Variants in YME1L1 observed in about 807,000 individuals in gnomAD.
YME1L1 encodes the protein YME1 like 1 ATPase, also known as ATP-dependent zinc metalloprotease YME1L1.
A neutral mutation model predicts 90.4 loss-of-function variants in YME1L1; 39 were observed. The observed-to-expected ratio is 0.43, with a 90% CI of 0.33 to 0.56. The LOEUF (loss-of-function observed/expected upper bound fraction) is 0.56. Ranked by LOEUF, YME1L1 falls within the 20% of genes least tolerant of loss-of-function variation. YME1L1 has a pLI of 0.03. For missense variants in YME1L1, 617 were observed against 868.4 expected, an observed-to-expected ratio of 0.71 and a Z score of 3.64; for synonymous variants, 284 against 287.3, an observed-to-expected ratio of 0.99 and a Z score of 0.12.
At chr10:27,130,233 T>C (rs746189797) in intron 8 of YME1L1, among the ~76,000 whole-genome samples, 70 of 152,300 alleles carry the variant, frequency 4.6e-4, no homozygotes, top group Non-Finnish European at 7.6e-4. Context: ...CAGGATACCA[T>C]TGTCACCTAA....
In YME1L1 at chr10:27,111,878, C is replaced by T; in HGVS notation, c.*99G>A. On this transcript the variant is annotated 3_prime_UTR_variant, in exon 19 of 19. Coordinates refer to ENST00000376016, the MANE Select transcript of YME1L1 (RefSeq NM_014263.4). ...AGCATTTCACACCCTTCAATTACAC[C>T]ACATCAAGAATGAGGGGAAAGCGTT... is the stretch of plus-strand genomic sequence containing the variant. The T allele has an allele frequency of 6.9e-7, 1 of 1,439,718 alleles. No homozygotes were observed. The highest frequency in any genetic ancestry group is 1.1e-5 in the South Asian group (1 of 87,002). 89.2% of individuals were successfully genotyped at this position (1,439,718 alleles called of 1,614,324 possible).
At chr10:27,153,804 C>T (rs1243880072) in intron 1 of YME1L1, among the ~76,000 whole-genome samples, 1 of 152,036 alleles carries the variant, frequency 6.6e-6, no homozygotes, top group Non-Finnish European at 1.5e-5. Context: ...ACTGGAAAGT[C>T]GGAAAAAAGG....
intron 15 of YME1L1, 87 bp from the exon 16 acceptor site, chr10:27,116,432 C>T (rs1298409308): frequency 6.4e-6 from 9 of 1,413,114 alleles, no homozygotes; most frequent in East Asian, 5.2e-5. Flanking sequence ...CTTTGGCAGG[C>T]GAGGTGGGTG....
chr10:27,131,824 T>C lies in YME1L1; in HGVS notation c.858+35A>G. ...CTCATATAGAGTATCAATTAGAGGA[T>C]GTATGAAGAAGGCAAGGCAATCTTC... On this transcript the variant is annotated intron_variant, in intron 8 of 18. Transcript: ENST00000376016. 4 of 1,494,788 alleles carry C rather than the reference T, an allele frequency of 2.7e-6. No individual in the cohort carries two copies. In the East Asian group the frequency reaches 6.8e-5, roughly 25 times the overall value. 92.6% of individuals were successfully genotyped at this position (1,494,788 alleles called of 1,614,324 possible).
At chr10:27,136,603 T>G (rs566680615) in intron 4 of YME1L1, among the ~76,000 whole-genome samples, 113 of 152,218 alleles carry the variant, frequency 7.4e-4, no homozygotes, top group Middle Eastern at 6.8e-3. Context: ...GCAGTCCTCT[T>G]GCCTCAGCCT....
At chr10:27,124,094 T>C (rs1429423767) in intron 9 of YME1L1, among the ~76,000 whole-genome samples, 1 of 152,218 alleles carries the variant, frequency 6.6e-6, no homozygotes, top group Non-Finnish European at 1.5e-5. Flanking sequence ...TAGAGACATC[T>C]GGTGAAAACA....
At chr10:27,116,920 A>G (rs564365159) in intron 15 of YME1L1, among the ~76,000 whole-genome samples, 15 of 152,250 alleles carry the variant, frequency 9.9e-5, no homozygotes, top group Non-Finnish European at 1.9e-4. Context: ...TAGTTACATT[A>G]AAAACCAGAA....
chr10:27,127,055 G>A (rs1362843083), intron 8 of YME1L1, among the ~76,000 whole-genome samples: 1 of 152,144 alleles, frequency 6.6e-6, no homozygotes, highest in Non-Finnish European at 1.5e-5. Context: ...CAAAAGTCAA[G>A]TACATTGGAC....
intron 9 of YME1L1, among the ~76,000 whole-genome samples, chr10:27,125,044 C>T (rs532915262): frequency 6.6e-6 from 1 of 152,144 alleles, no homozygotes; most frequent in Non-Finnish European, 1.5e-5. Context: ...TAATTTCATA[C>T]ACTGCTGTAT....
At chr10:27,131,427 A>G (rs2056976913) in intron 8 of YME1L1, among the ~76,000 whole-genome samples, 1 of 152,250 alleles carries the variant, frequency 6.6e-6, no homozygotes, top group Admixed American at 6.5e-5. Context: ...CATTCAAGAA[A>G]TATACATTGT....
rs1321877274 is a variant in YME1L1 at position 27,145,541 on chromosome 10, T to C, written c.218A>G (p.Gln73Arg). 1.2e-6 allele frequency: 2 copies of C among 1,613,540 alleles called. No homozygotes were observed. The highest frequency in any genetic ancestry group is 1.7e-5 in the Admixed American group (1 of 59,988). ...TAGATTTTCTACCAGCTGATCAATCTGTCCAATTTTTAGTTCAGATAATCC... is the reference window on the plus strand; with the variant it reads ...TAGATTTTCTACCAGCTGATCAATCCGTCCAATTTTTAGTTCAGATAATCC... ...DLGLSELKIG[Q>R]IDQLVENLLP... The change falls in exon 3 of 19, where the codon CAG becomes CGG. Residue 73 changes from glutamine to arginine, a missense_variant. Physicochemically the swap from Gln to Arg is conservative, Grantham distance 43 (BLOSUM62 1). This residue lies in a region of YME1L1 where 311 missense variants were observed against 335.8 expected (regional missense o/e 0.93). Transcript: ENST00000376016.
chr10:27,142,170 TTTGA>T (rs1440473591), intron 4 of YME1L1, among the ~76,000 whole-genome samples: 1 of 152,102 alleles, frequency 6.6e-6, no homozygotes, highest in African/African-American at 2.4e-5. Flanking sequence ...TTCCCTGGAG[TTTGA>T]TTTATTGTGG....
At chr10:27,135,561 T>C (rs3780924) in intron 5 of YME1L1, among the ~76,000 whole-genome samples, 2,612 of 152,268 alleles carry the variant, frequency 0.017, 145 homozygotes, top group East Asian at 0.16. Flanking sequence ...ATAAACACTA[T>C]GAACAATCTG....
At chr10:27,147,622 C>T in intron 2 of YME1L1, 1 of 1,555,424 alleles carries the variant, frequency 6.4e-7, no homozygotes, top group Non-Finnish European at 8.7e-7. Flanking sequence ...TTTTCCTTTG[C>T]CAATTGAAAC....
Position 27,122,985 on chromosome 10 carries a change from A to G in YME1L1, c.1103-12T>C. ...CGCCTTTGCTTCCCCTAAGAAAACA[A>G]AAAACATTCAAATAAGCTGAAAGAA... On this transcript the variant is annotated splice_polypyrimidine_tract_variant and intron_variant, in intron 10 of 18. Coordinates refer to ENST00000376016, the MANE Select transcript of YME1L1 (RefSeq NM_014263.4). 3 of 1,605,570 alleles carry G rather than the reference A, an allele frequency of 1.9e-6. No homozygotes were observed. Among genetic ancestry groups the G allele is most frequent in the Non-Finnish European group, 2.5e-6 (3 of 1,177,786 alleles).
chr10:27,146,719 CTAAAAA>C, intron 2 of YME1L1: 1 of 152,302 alleles, frequency 6.6e-6, no homozygotes, highest in Non-Finnish European at 1.5e-5. Context: ...GACCCTGTCT[CTAAAAA>C]TAAAGTTTTT....
chr10:27,153,298 A>C, intron 1 of YME1L1: 1 of 467,984 alleles, frequency 2.1e-6, no homozygotes, highest in Non-Finnish European at 4.4e-6. Context: ...CAAAAAATTA[A>C]AAATTCTTAA....
chr10:27,122,383 T>C (rs899526858), intron 11 of YME1L1, among the ~76,000 whole-genome samples: 1 of 152,228 alleles, frequency 6.6e-6, no homozygotes, highest in Non-Finnish European at 1.5e-5. Flanking sequence ...AAATGTCTTA[T>C]ATTGAGTTTT....
At chr10:27,133,393 T>C (rs759926447) in intron 7 of YME1L1, among the ~76,000 whole-genome samples, 1 of 152,148 alleles carries the variant, frequency 6.6e-6, no homozygotes, top group Non-Finnish European at 1.5e-5. Flanking sequence ...TCTAATTTCC[T>C]CAGAAGAAGC....
Sources: allele counts gnomAD v4.1 joint callset (sites outside exome capture counted in the v4.1 genomes callset), GRCh38; gene constraint gnomAD v4.1.1; regional missense constraint gnomAD v4.1.1; transcripts MANE v1.5; gene names NCBI Gene and HGNC (gene_info 2026-07-23, HGNC 2026-07-21).